Variants in ZDHHC14 observed in about 807,000 individuals in gnomAD.
The protein encoded by ZDHHC14 is palmitoyltransferase ZDHHC14.
In ZDHHC14, 16 loss-of-function variants were observed where a neutral mutation model predicts 47.7. The observed-to-expected ratio is 0.34, with a 90% CI of 0.23 to 0.51. ZDHHC14 has a LOEUF of 0.51. ZDHHC14 is among the 20% of genes least tolerant of loss of function. The pLI, the probability that ZDHHC14 is intolerant of heterozygous loss-of-function variation, is 0.97. For missense variants in ZDHHC14, 515 were observed against 662.5 expected, an observed-to-expected ratio of 0.78 and a Z score of 2.44; for synonymous variants, 293 against 278.9, an observed-to-expected ratio of 1.05 and a Z score of -0.50.
intron 3 of ZDHHC14, among the ~76,000 whole-genome samples, chr6:157,612,039 A>C: frequency 6.6e-6 from 1 of 151,696 alleles, no homozygotes; most frequent in Non-Finnish European, 1.5e-5. Flanking sequence ...TTCCCCAGTG[A>C]CCCCCCACCT....
chr6:157,646,612 C>CAAA (rs5881225), intron 6 of ZDHHC14, among the ~76,000 whole-genome samples: 1 of 121,504 alleles, frequency 8.2e-6, no homozygotes. Flanking sequence ...CACTCCATCT[C>CAAA]AAAAAAAAAA....
chr6:157,540,880 A>ATGTGTGTGTGTGTGTGTG (rs1227856788), intron 1 of ZDHHC14, among the ~76,000 whole-genome samples: 4 of 131,848 alleles, frequency 3.0e-5, no homozygotes, highest in South Asian at 2.2e-4. Flanking sequence ...ATAGATATAT[A>ATGTGTGTGTGTGTGTGTG]TGTATGTATG....
At chr6:157,400,505 A>G (rs1777613144) in intron 1 of ZDHHC14, among the ~76,000 whole-genome samples, 1 of 152,170 alleles carries the variant, frequency 6.6e-6, no homozygotes, top group Non-Finnish European at 1.5e-5. Context: ...ACAACACTTA[A>G]TCTGACCATG....
intron 6 of ZDHHC14, 131 bp from the exon 7 acceptor site, chr6:157,647,128 A>G: frequency 1.5e-6 from 1 of 658,762 alleles, no homozygotes. Flanking sequence ...CGTTTTCTTT[A>G]AGAAAAATAC....
intron 2 of ZDHHC14, among the ~76,000 whole-genome samples, chr6:157,556,259 T>A (rs1006348252): frequency 2.3e-4 from 8 of 35,374 alleles, no homozygotes; most frequent in South Asian, 9.8e-4. Context: ...GGGTGGGGGG[T>A]GGAGGGTGGG....
chr6:157,488,987 A>G (rs1352851038), intron 1 of ZDHHC14, among the ~76,000 whole-genome samples: 1 of 152,194 alleles, frequency 6.6e-6, no homozygotes, highest in Non-Finnish European at 1.5e-5. Context: ...TCTGTTTTTA[A>G]TGGATTTACA....
At chr6:157,523,994 G>A (rs113053969) in intron 1 of ZDHHC14, among the ~76,000 whole-genome samples, 2 of 152,334 alleles carry the variant, frequency 1.3e-5, no homozygotes, top group African/African-American at 4.8e-5. Context: ...ACAAAAATTA[G>A]ATGGTTGGTG....
chr6:157,619,749 A>G (rs1408789606), intron 3 of ZDHHC14, among the ~76,000 whole-genome samples: 2 of 152,280 alleles, frequency 1.3e-5, no homozygotes, highest in Non-Finnish European at 2.9e-5. Context: ...TAAATGCTGC[A>G]GAATGTTAAT....
intron 5 of ZDHHC14, among the ~76,000 whole-genome samples, chr6:157,639,006 T>G (rs571998738): frequency 4.6e-5 from 7 of 152,362 alleles, no homozygotes; most frequent in South Asian, 2.1e-4. Context: ...CATCCTGGTG[T>G]TGTGCCCACG....
chr6:157,624,091 G>A (rs1214614229), intron 3 of ZDHHC14, among the ~76,000 whole-genome samples: 3 of 152,224 alleles, frequency 2.0e-5, no homozygotes, highest in East Asian at 1.9e-4. Flanking sequence ...CTTCTCAGAT[G>A]TGTTCACTTG....
At position 157,517,403 on chromosome 6, in the gene ZDHHC14, C is replaced by T. The variant is rs1316488977; in HGVS notation, c.246-25182C>T. Among the ~76,000 whole-genome samples, 5 of 152,024 alleles carry T rather than the reference C, an allele frequency of 3.3e-5. No homozygotes were observed. In the South Asian group the frequency reaches 8.3e-4, roughly 25 times the overall value. ...AGTCTCAACTATAACCTCCGCCTCCCGGGTTCAAGCGATTCTCCTGCCTCA... is the reference window on the plus strand; with the variant it reads ...AGTCTCAACTATAACCTCCGCCTCCTGGGTTCAAGCGATTCTCCTGCCTCA... On this transcript the variant is annotated intron_variant, in intron 1 of 8. Coordinates refer to ENST00000359775, the MANE Select transcript of ZDHHC14 (RefSeq NM_024630.3).
intron 5 of ZDHHC14, among the ~76,000 whole-genome samples, chr6:157,636,527 C>T (rs1001678110): frequency 1.3e-5 from 2 of 152,090 alleles, no homozygotes; most frequent in Non-Finnish European, 2.9e-5. Flanking sequence ...TGATTCGCTC[C>T]CTGCTTGGTC....
In ZDHHC14 at chr6:157,632,927, G is replaced by A. The variant is rs763525898; in HGVS notation, c.752+45G>A. 6 of 1,602,366 alleles carry A rather than the reference G, an allele frequency of 3.7e-6. No individual in the cohort carries two copies. In the African/African-American group the frequency reaches 8.0e-5, roughly 21 times the overall value. On this transcript the variant is annotated intron_variant, in intron 5 of 8. Transcript: ENST00000359775. ...TGTTTTCACGATGCTAATGTGTTGA[G>A]TATCTGGCTGACCTTCTGTGCGCAC...
chr6:157,654,865 A>G (rs1242116851), intron 8 of ZDHHC14, among the ~76,000 whole-genome samples: 1 of 151,694 alleles, frequency 6.6e-6, no homozygotes, highest in Admixed American at 6.6e-5. Context: ...CCTTCCAAGT[A>G]GCTGGGACTA....
intron 3 of ZDHHC14, among the ~76,000 whole-genome samples, chr6:157,609,082 A>G (rs2114919437): frequency 6.6e-6 from 1 of 152,330 alleles, no homozygotes; most frequent in Admixed American, 6.5e-5. Context: ...CACATATTTT[A>G]AGTGGATCAT....
chr6:157,661,412 T>C (rs1348465015), intron 8 of ZDHHC14, among the ~76,000 whole-genome samples: 1 of 152,242 alleles, frequency 6.6e-6, no homozygotes, highest in African/African-American at 2.4e-5. Flanking sequence ...TTTTTTGAAA[T>C]CAGCATTCAT....
intron 5 of ZDHHC14, among the ~76,000 whole-genome samples, chr6:157,645,502 A>T (rs1562526245): frequency 1.3e-5 from 2 of 152,188 alleles, no homozygotes; most frequent in Non-Finnish European, 2.9e-5. Context: ...TCCAGGCATC[A>T]CGGAGCCACA....
intron 1 of ZDHHC14, among the ~76,000 whole-genome samples, chr6:157,508,680 T>C (rs1231855160): frequency 1.3e-5 from 2 of 152,178 alleles, no homozygotes; most frequent in Non-Finnish European, 2.9e-5. Flanking sequence ...ACCCAACCAA[T>C]GTCTTGTATT....
chr6:157,531,815 A>G (rs1157427914), intron 1 of ZDHHC14, among the ~76,000 whole-genome samples: 2 of 152,172 alleles, frequency 1.3e-5, no homozygotes, highest in South Asian at 2.1e-4. Context: ...CCAAGACTCA[A>G]ATGTGCCTTT....
Sources: allele counts gnomAD v4.1 joint callset (sites outside exome capture counted in the v4.1 genomes callset), GRCh38; gene constraint gnomAD v4.1.1; transcripts MANE v1.5; gene names NCBI Gene and HGNC (gene_info 2026-07-23, HGNC 2026-07-21).